The following SPOCK1 variants were observed in gnomAD, a reference collection of about 807,000 sequenced individuals.
The protein encoded by SPOCK1 is testican-1.
SPOCK1 carries 23 observed loss-of-function variants against 55.3 expected under a neutral mutation model. The observed-to-expected ratio is 0.42, with a 90% CI of 0.30 to 0.59. SPOCK1 has a LOEUF of 0.59. Among genes scored for constraint, SPOCK1 ranks in the 20% least tolerant of loss-of-function variants. SPOCK1 has a pLI of 0.22. For missense variants in SPOCK1, 499 were observed against 552.5 expected, an observed-to-expected ratio of 0.90 and a Z score of 0.97; for synonymous variants, 226 against 221.0, an observed-to-expected ratio of 1.02 and a Z score of -0.20.
intron 6 of SPOCK1, among the ~76,000 whole-genome samples, chr5:137,056,243 T>C (rs904615546): frequency 2.0e-5 from 3 of 152,048 alleles, no homozygotes; most frequent in African/African-American, 7.2e-5. Context: ...GGGGACGCTG[T>C]TGCAGCTACA....
rs1172908913 is a variant in SPOCK1 at position 136,976,602 on chromosome 5, A to G, written c.*2052T>C. On this transcript the variant is annotated 3_prime_UTR_variant, in exon 11 of 11. Coordinates refer to ENST00000394945, the MANE Select transcript of SPOCK1 (RefSeq NM_004598.4). ...ATTTTACAATGTCGTGATTTTTAAT[A>G]TACTTCATAGTAATTTTATTGCAAT... 1 of 152,662 alleles carries G rather than the reference A, an allele frequency of 6.6e-6. No individual in the cohort carries two copies. Among genetic ancestry groups the G allele is most frequent in the Non-Finnish European group, 1.5e-5 (1 of 68,044 alleles). The allele number at this position is 152,662 out of a possible 1,614,324, so 9.5% of individuals were successfully genotyped here. A position where few individuals can be genotyped will look rare whatever the true frequency, so the allele number is the denominator to read the frequency against.
intron 5 of SPOCK1, 54 bp from the exon 6 acceptor site, chr5:137,067,883 C>A (rs940405219): frequency 1.4e-6 from 2 of 1,453,790 alleles, no homozygotes; most frequent in Non-Finnish European, 1.9e-6. Flanking sequence ...CAGACCCCTA[C>A]CCCGCCTCCT....
chr5:137,267,059 T>C lies in SPOCK1; in HGVS notation c.187-4A>G. 3 of 1,611,688 alleles carry C rather than the reference T, an allele frequency of 1.9e-6. No individual in the cohort carries two copies. The highest frequency in any genetic ancestry group is 2.5e-6 in the Non-Finnish European group (3 of 1,178,122). On this transcript the variant is annotated splice_polypyrimidine_tract_variant and splice_region_variant and intron_variant, in intron 2 of 10. Coordinates refer to ENST00000394945, the MANE Select transcript of SPOCK1 (RefSeq NM_004598.4). ...TCCAGTTTCTGAAATAATCATCCTA[T>C]ATAAGGAAAAAATAGAAAACAAAGG...
In SPOCK1 at chr5:137,491,446, C is replaced by A. The variant is rs138215620; in HGVS notation, c.186+6927G>T. ...GCCATGACAGCCCTCTGCAGTGAAC[C>A]CCTCCACTTGCCACAGGTGTGGAAA... On this transcript the variant is annotated intron_variant, in intron 2 of 10. Transcript: ENST00000394945. Among the ~76,000 whole-genome samples, 797 of 152,214 alleles carry A rather than the reference C, an allele frequency of 5.2e-3. 12 individuals carry two copies. The highest frequency in any genetic ancestry group is 6.0e-3 in the Non-Finnish European group (405 of 68,030).
chr5:137,459,571 T>C (rs1230024733), intron 2 of SPOCK1, among the ~76,000 whole-genome samples: 1 of 151,958 alleles, frequency 6.6e-6, no homozygotes, highest in Non-Finnish European at 1.5e-5. Context: ...TAAGCAATGC[T>C]ACTCCATCTT....
At chr5:137,457,920 C>G (rs1251996607) in intron 2 of SPOCK1, among the ~76,000 whole-genome samples, 2 of 152,124 alleles carry the variant, frequency 1.3e-5, no homozygotes, top group Non-Finnish European at 2.9e-5. Context: ...ACAGAAATGA[C>G]TCAATTCTGT....
At chr5:137,251,501 C>T (rs1756528216) in intron 3 of SPOCK1, among the ~76,000 whole-genome samples, 2 of 152,158 alleles carry the variant, frequency 1.3e-5, no homozygotes, top group African/African-American at 4.8e-5. Context: ...GTGAGAAAGC[C>T]ACATCAGATT....
At chr5:137,173,973 G>C (rs1754804600) in intron 3 of SPOCK1, among the ~76,000 whole-genome samples, 1 of 152,206 alleles carries the variant, frequency 6.6e-6, no homozygotes, top group Admixed American at 6.5e-5. Flanking sequence ...GTCCAGAAAG[G>C]AAAACTAGCG....
chr5:137,358,145 G>A (rs192559194), intron 2 of SPOCK1, among the ~76,000 whole-genome samples: 1 of 152,162 alleles, frequency 6.6e-6, no homozygotes, highest in Admixed American at 6.5e-5. Context: ...GAGGAGTAGA[G>A]TAAAGGTGTT....
At chr5:137,407,672 A>T (rs1160945517) in intron 2 of SPOCK1, among the ~76,000 whole-genome samples, 2 of 152,156 alleles carry the variant, frequency 1.3e-5, no homozygotes, top group Non-Finnish European at 2.9e-5. Context: ...GACCATAGAG[A>T]GAACTCCGAT....
At chr5:137,296,753 A>G (rs540308408) in intron 2 of SPOCK1, among the ~76,000 whole-genome samples, 2 of 152,320 alleles carry the variant, frequency 1.3e-5, no homozygotes, top group Admixed American at 6.5e-5. Flanking sequence ...GTTAAAAGGT[A>G]CATTCAATGC....
In SPOCK1 at chr5:137,066,987, C is replaced by CACACACACACAGAGAGAGAGAGAG. The variant is rs1343691789; in HGVS notation, c.589+727_589+728insCTCTCTCTCTCTCTGTGTGTGTGT. Among the ~76,000 whole-genome samples, 561 of 139,586 alleles carry CACACACACACAGAGAGAGAGAGAG rather than the reference C, an allele frequency of 4.0e-3. 4 individuals carry two copies. Among genetic ancestry groups the CACACACACACAGAGAGAGAGAGAG allele is most frequent in the African/African-American group, 4.7e-3 (180 of 38,140 alleles). 91.6% of individuals were successfully genotyped at this position (139,586 alleles called of 152,430 possible). A position where few individuals can be genotyped will look rare whatever the true frequency, so the allele number is the denominator to read the frequency against. On this transcript the variant is annotated intron_variant, in intron 6 of 10. Transcript: ENST00000394945. ...ATACACACACACACACACACACACA[C>CACACACACACAGAGAGAGAGAGAG]AGAGAGAGAGAGAGAGAGAGAGAAA...
chr5:137,141,005 C>CT (rs1754085980), intron 3 of SPOCK1, among the ~76,000 whole-genome samples: 2 of 152,244 alleles, frequency 1.3e-5, no homozygotes, highest in East Asian at 3.9e-4. Flanking sequence ...GATGATCCAC[C>CT]TGCCTCGACC....
At chr5:137,199,442 C>A (rs1351214880) in intron 3 of SPOCK1, among the ~76,000 whole-genome samples, 1 of 152,120 alleles carries the variant, frequency 6.6e-6, no homozygotes, top group Admixed American at 6.5e-5. Flanking sequence ...TCACAACAGA[C>A]CTAGTTTTGA....
intron 3 of SPOCK1, among the ~76,000 whole-genome samples, chr5:137,168,977 A>C (rs1072158): frequency 0.16 from 23,955 of 152,228 alleles, 1,946 homozygotes; most frequent in East Asian, 0.23. Context: ...ATGAACAAAG[A>C]AAACATGGTA....
intron 6 of SPOCK1, among the ~76,000 whole-genome samples, chr5:137,023,978 T>G (rs1405284622): frequency 6.6e-6 from 1 of 150,732 alleles, no homozygotes; most frequent in African/African-American, 2.4e-5. Flanking sequence ...TTTTTTTTTT[T>G]GCTAACTTTA....
chr5:137,390,236 G>A (rs551113881), intron 2 of SPOCK1, among the ~76,000 whole-genome samples: 48 of 152,224 alleles, frequency 3.2e-4, no homozygotes, highest in Non-Finnish European at 5.4e-4. Flanking sequence ...CAAGGTCATG[G>A]AGAAGTCAAT....
intron 2 of SPOCK1, among the ~76,000 whole-genome samples, chr5:137,296,426 G>A (rs1180081859): frequency 6.6e-6 from 1 of 152,178 alleles, no homozygotes; most frequent in South Asian, 2.1e-4. Context: ...AAGCAGCAAG[G>A]CTGGGCGTCC....
chr5:137,050,943 T>C (rs1752194199), intron 6 of SPOCK1, among the ~76,000 whole-genome samples: 1 of 152,246 alleles, frequency 6.6e-6, no homozygotes, highest in African/African-American at 2.4e-5. Flanking sequence ...GAGAGATGTG[T>C]GCCACATTTC....
Sources: allele counts gnomAD v4.1 joint callset (sites outside exome capture counted in the v4.1 genomes callset), GRCh38; gene constraint gnomAD v4.1.1; transcripts MANE v1.5; gene names NCBI Gene and HGNC (gene_info 2026-07-23, HGNC 2026-07-21).